Variants in MINDY3 observed in about 807,000 individuals in gnomAD.
MINDY3 encodes MINDY lysine 48 deubiquitinase 3, also known as ubiquitin carboxyl-terminal hydrolase MINDY-3.
MINDY3 carries 38 observed loss-of-function variants against 69.2 expected under a neutral mutation model. The observed-to-expected ratio is 0.55, with a 90% CI of 0.42 to 0.72. MINDY3 has a LOEUF of 0.72. Among genes scored for constraint, MINDY3 ranks in the 30% least tolerant of loss-of-function variants. MINDY3 has a pLI of 0.00. For synonymous variants in MINDY3, 192 were observed against 180.1 expected (o/e 1.07, Z -0.53); for missense variants, 522 against 519.0 (o/e 1.01, Z -0.06).
At chr10:15,852,321 A>C (rs1834361475) in intron 1 of MINDY3, among the ~76,000 whole-genome samples, 1 of 152,192 alleles carries the variant, frequency 6.6e-6, no homozygotes. Context: ...AGGAATACCA[A>C]GTTCAGTCTC....
At chr10:15,847,818 G>A (rs757149935) in intron 2 of MINDY3, 46 bp downstream of exon 2, 35 of 1,378,604 alleles carry the variant, frequency 2.5e-5, no homozygotes, top group Non-Finnish European at 3.2e-5. Flanking sequence ...AGTATGAAAC[G>A]TTTCAAAATG....
intron 11 of MINDY3, among the ~76,000 whole-genome samples, chr10:15,791,095 T>C (rs968379758): frequency 5.9e-5 from 9 of 152,180 alleles, no homozygotes; most frequent in Non-Finnish European, 8.8e-5. Flanking sequence ...AGTGTAACCA[T>C]AACTGTACCC....
chr10:15,782,729 C>T (rs1180502536), intron 13 of MINDY3, among the ~76,000 whole-genome samples: 1 of 152,124 alleles, frequency 6.6e-6, no homozygotes, highest in East Asian at 1.9e-4. Context: ...TATTGTCAAC[C>T]ATTAATTAGT....
At chr10:15,788,161 G>C (rs759010466) in intron 12 of MINDY3, among the ~76,000 whole-genome samples, 2 of 152,080 alleles carry the variant, frequency 1.3e-5, no homozygotes, top group African/African-American at 2.4e-5. Context: ...TTGTAAATTA[G>C]AGCAGTGTAA....
chr10:15,796,875 A>G (rs973319699), intron 10 of MINDY3, among the ~76,000 whole-genome samples: 13 of 152,048 alleles, frequency 8.5e-5, no homozygotes, highest in African/African-American at 2.7e-4. Context: ...TATCTAAGCC[A>G]TTATGAAATT....
intron 9 of MINDY3, chr10:15,817,202 T>C (rs1051077077): frequency 3.8e-6 from 1 of 262,216 alleles, no homozygotes; most frequent in Non-Finnish European, 7.1e-6. Flanking sequence ...TCTCAGGTTT[T>C]GCTAAAGTTC....
chr10:15,805,199 C>T (rs1452645316), intron 10 of MINDY3, among the ~76,000 whole-genome samples: 7 of 152,178 alleles, frequency 4.6e-5, no homozygotes, highest in Non-Finnish European at 7.4e-5. Flanking sequence ...AGTTAGACGA[C>T]GTTCTTGGAG....
intron 5 of MINDY3, 93 bp from the exon 6 acceptor site, chr10:15,837,411 C>A: frequency 8.2e-7 from 1 of 1,219,750 alleles, no homozygotes; most frequent in Non-Finnish European, 1.2e-6. Context: ...TACATTAAAA[C>A]ATATACATAC....
intron 9 of MINDY3, among the ~76,000 whole-genome samples, chr10:15,820,590 C>T (rs879717235): frequency 6.6e-6 from 1 of 152,082 alleles, no homozygotes; most frequent in African/African-American, 2.4e-5. Context: ...ATTAAAGTCA[C>T]CGAAGATAAA....
chr10:15,848,999 C>G (rs975791569), intron 1 of MINDY3, among the ~76,000 whole-genome samples: 32 of 152,166 alleles, frequency 2.1e-4, no homozygotes, highest in African/African-American at 7.5e-4. Flanking sequence ...GGATATATGC[C>G]TGGATGACAC....
chr10:15,815,816 AAG>A (rs1262902814), intron 10 of MINDY3, among the ~76,000 whole-genome samples: 1 of 152,182 alleles, frequency 6.6e-6, no homozygotes, highest in African/African-American at 2.4e-5. Context: ...AGACACAGGA[AAG>A]GGGGCTGAGA....
At chr10:15,859,980 G>A (rs1362012419) in intron 1 of MINDY3, among the ~76,000 whole-genome samples, 2 of 152,228 alleles carry the variant, frequency 1.3e-5, no homozygotes, top group Non-Finnish European at 2.9e-5. Context: ...CCGGAGGATG[G>A]AAAGAGCGCT....
rs149583944 is a variant in MINDY3 at position 15,782,477 on chromosome 10, A to AT, written c.1117-252dup. ...ATTATAAGCTCTTCAGAACTAACTT[A>AT]TTTTTTTTTTAATTATGTGCATGTA... On this transcript the variant is annotated intron_variant, in intron 13 of 14. Transcript: ENST00000277632. 2,918 of 362,908 alleles carry AT rather than the reference A, an allele frequency of 8.0e-3. 16 individuals are homozygous for AT. The highest frequency in any genetic ancestry group is 0.027 in the African/African-American group (1,229 of 46,352). 22.5% of individuals were successfully genotyped at this position (362,908 alleles called of 1,614,324 possible). A position where few individuals can be genotyped will look rare whatever the true frequency, so the allele number is the denominator to read the frequency against.
At chr10:15,852,777 G>C (rs1193658653) in intron 1 of MINDY3, among the ~76,000 whole-genome samples, 1 of 152,078 alleles carries the variant, frequency 6.6e-6, no homozygotes, top group Non-Finnish European at 1.5e-5. Context: ...ACTACAGTTG[G>C]CCGTTCATAT....
chr10:15,825,364 C>G (rs1840019816), intron 8 of MINDY3, among the ~76,000 whole-genome samples: 1 of 152,130 alleles, frequency 6.6e-6, no homozygotes, highest in Admixed American at 6.6e-5. Context: ...GTTTTCTTTG[C>G]CAGAATTAAT....
chr10:15,833,923 C>T lies in MINDY3; in HGVS notation c.651-214G>A, dbSNP rs894975732. Among the ~76,000 whole-genome samples, 6 of 151,920 alleles carry T rather than the reference C, an allele frequency of 3.9e-5. No homozygotes were observed. The South Asian group carries it at 1.3e-3, about 32-fold the overall frequency. On this transcript the variant is annotated intron_variant, in intron 7 of 14. Coordinates refer to ENST00000277632, the MANE Select transcript of MINDY3 (RefSeq NM_024948.4). Reference sequence around the variant, plus strand: ...AGTGGTATTTATTGTTCTACATATTCACATACATTTAACAACTTTATCTAA... The same window carrying T: ...AGTGGTATTTATTGTTCTACATATTTACATACATTTAACAACTTTATCTAA...
intron 14 of MINDY3, among the ~76,000 whole-genome samples, chr10:15,779,407 T>G (rs1836342873): frequency 6.6e-6 from 1 of 152,184 alleles, no homozygotes; most frequent in African/African-American, 2.4e-5. Flanking sequence ...ACACATAGAT[T>G]GTTTCTAAGA....
chr10:15,829,173 A>T (rs1050105143), intron 8 of MINDY3, among the ~76,000 whole-genome samples: 1 of 152,136 alleles, frequency 6.6e-6, no homozygotes, highest in Non-Finnish European at 1.5e-5. Flanking sequence ...GGGAGGAGAA[A>T]ACTTTTCCTG....
intron 13 of MINDY3, among the ~76,000 whole-genome samples, chr10:15,782,653 T>TA (rs1483664315): frequency 1.3e-5 from 2 of 152,192 alleles, no homozygotes; most frequent in Non-Finnish European, 2.9e-5. Context: ...TATGTACCAA[T>TA]ACTTCCAATT....
Sources: allele counts gnomAD v4.1 joint callset (sites outside exome capture counted in the v4.1 genomes callset), GRCh38; gene constraint gnomAD v4.1.1; transcripts MANE v1.5; gene names NCBI Gene and HGNC (gene_info 2026-07-23, HGNC 2026-07-21).